Variants in GRIK3 observed in about 807,000 individuals in gnomAD.
GRIK3 encodes glutamate receptor ionotropic, kainate 3.
In GRIK3, 29 loss-of-function variants were observed where a neutral mutation model predicts 102.5. The ratio of observed to expected loss-of-function variants is 0.28; its 90% CI spans 0.21 to 0.39. GRIK3 has a LOEUF of 0.39. Ranked by LOEUF, GRIK3 falls within the 10% of genes least tolerant of loss-of-function variation. The probability of loss-of-function intolerance (pLI) is 1.00; values close to 1 mark genes in which losing one functional copy is unlikely to be tolerated. For missense variants in GRIK3, 908 were observed against 1,252.4 expected (o/e 0.73, Z 4.15); for synonymous variants, 511 against 504.9 (o/e 1.01, Z -0.16).
Position 36,836,936 on chromosome 1 carries a change from G to A in GRIK3, c.1530+4800C>T, listed in dbSNP as rs1640386772. Among the ~76,000 whole-genome samples the A allele has an allele frequency of 2.0e-5, 3 of 152,172 alleles. No individual in the cohort carries two copies. In the South Asian group the frequency reaches 6.2e-4, roughly 32 times the overall value. ...GAGGTCACGCTTGTGCCAACTCGTG[G>A]ATGCTCATTCCTCATTTCCCTTGAC... On this transcript the variant is annotated intron_variant, in intron 10 of 15. Coordinates refer to ENST00000373091, the MANE Select transcript of GRIK3 (RefSeq NM_000831.4).
At chr1:36,883,447 C>T (rs1641005370) in intron 2 of GRIK3, among the ~76,000 whole-genome samples, 1 of 152,202 alleles carries the variant, frequency 6.6e-6, no homozygotes, top group Non-Finnish European at 1.5e-5. Flanking sequence ...TGTCTACACC[C>T]ACTGCAAACA....
intron 1 of GRIK3, among the ~76,000 whole-genome samples, chr1:36,992,621 T>C (rs1642374636): frequency 6.6e-6 from 1 of 152,124 alleles, no homozygotes; most frequent in Non-Finnish European, 1.5e-5. Context: ...TGATGGTTGA[T>C]GGATGTAAAC....
At chr1:37,032,183 C>T (rs539515637) in intron 1 of GRIK3, among the ~76,000 whole-genome samples, 24 of 152,300 alleles carry the variant, frequency 1.6e-4, no homozygotes, top group African/African-American at 5.5e-4. Context: ...CTCCCTAACC[C>T]ATTCAATTTC....
chr1:37,009,127 T>C (rs1642562364), intron 1 of GRIK3, among the ~76,000 whole-genome samples: 2 of 152,136 alleles, frequency 1.3e-5, no homozygotes, highest in South Asian at 4.1e-4. Context: ...ACTGTTGTTG[T>C]GAGAATTAAC....
intron 10 of GRIK3, among the ~76,000 whole-genome samples, chr1:36,830,401 C>T (rs1411199740): frequency 6.6e-6 from 1 of 151,518 alleles, no homozygotes; most frequent in African/African-American, 2.4e-5. Context: ...CCCCTGGTAC[C>T]TATGAGTATG....
intron 1 of GRIK3, among the ~76,000 whole-genome samples, chr1:36,998,984 G>A (rs1476447779): frequency 8.2e-6 from 1 of 122,242 alleles, no homozygotes; most frequent in Admixed American, 7.6e-5. Context: ...TTGGAAGTGT[G>A]TGTGTGTGTG....
chr1:36,984,425 G>A (rs1223121150), intron 1 of GRIK3, among the ~76,000 whole-genome samples: 1 of 152,258 alleles, frequency 6.6e-6, no homozygotes, highest in East Asian at 1.9e-4. Context: ...GACGAAAGCT[G>A]TCACTCAGGG....
intron 10 of GRIK3, among the ~76,000 whole-genome samples, chr1:36,837,408 C>T (rs747708670): frequency 2.6e-5 from 4 of 152,288 alleles, no homozygotes; most frequent in Middle Eastern, 3.4e-3. Context: ...CGCAACTCCT[C>T]GCTTTCCCCT....
intron 13 of GRIK3, among the ~76,000 whole-genome samples, chr1:36,812,955 C>T (rs1642580109): frequency 6.6e-6 from 1 of 152,256 alleles, no homozygotes; most frequent in South Asian, 2.1e-4. Context: ...CACTCAATAA[C>T]AGTATCCACT....
In GRIK3 at chr1:36,853,702, A is replaced by G. The variant is rs1640611639; in HGVS notation, c.1125T>C (p.Thr375=). 1 of 1,612,710 alleles carries G rather than the reference A, an allele frequency of 6.2e-7. No homozygotes were observed. Among genetic ancestry groups the G allele is most frequent in the Non-Finnish European group, 8.5e-7 (1 of 1,178,642 alleles). Residue 375 remains threonine, a synonymous_variant, in exon 8 of 16, where the codon ACT becomes ACC. Transcript: ENST00000373091. ...FIKEAQWEGL[T]GRIVFNKTSG... is the part of the protein sequence containing the mutation. The stretch of plus-strand genomic sequence containing the variant: ...TAGTTTTGTTGAAAACAATTCGTCC[A>G]GTTAATCCTTCCCATTGAGCCTGCG...
At chr1:37,015,776 C>A (rs1006096743) in intron 1 of GRIK3, among the ~76,000 whole-genome samples, 1 of 152,178 alleles carries the variant, frequency 6.6e-6, no homozygotes, top group African/African-American at 2.4e-5. Flanking sequence ...GAGGGGAATG[C>A]GAAGGGGCTT....
chr1:36,898,523 G>A (rs897672899), intron 1 of GRIK3, among the ~76,000 whole-genome samples: 1 of 152,064 alleles, frequency 6.6e-6, no homozygotes, highest in Non-Finnish European at 1.5e-5. Context: ...ATTGTTGAAG[G>A]TAATTAAATA....
intron 13 of GRIK3, among the ~76,000 whole-genome samples, chr1:36,809,768 G>A (rs3820270): frequency 4.9e-4 from 75 of 152,312 alleles, no homozygotes; most frequent in African/African-American, 1.5e-3. Flanking sequence ...TCTGAGGAAA[G>A]ACACAAGAAA....
chr1:36,941,557 G>T (rs567263539), intron 1 of GRIK3, among the ~76,000 whole-genome samples: 13 of 152,182 alleles, frequency 8.5e-5, no homozygotes, highest in South Asian at 6.2e-4. Context: ...TGGGGTGGAG[G>T]GGGGGAGTGC....
At chr1:36,905,072 A>G (rs1641272233) in intron 1 of GRIK3, among the ~76,000 whole-genome samples, 1 of 152,132 alleles carries the variant, frequency 6.6e-6, no homozygotes, top group Non-Finnish European at 1.5e-5. Flanking sequence ...AATATAGAAA[A>G]ACATATAGCC....
At chr1:36,966,008 G>A (rs968971685) in intron 1 of GRIK3, among the ~76,000 whole-genome samples, 4 of 152,218 alleles carry the variant, frequency 2.6e-5, no homozygotes, top group African/African-American at 9.6e-5. Flanking sequence ...ATATTAGCCA[G>A]GGAAGCATGG....
In GRIK3 at chr1:36,829,580, T is replaced by A. The variant is rs60982117; in HGVS notation, c.1531-3754A>T. On this transcript the variant is annotated intron_variant, in intron 10 of 15. Coordinates refer to ENST00000373091, the MANE Select transcript of GRIK3 (RefSeq NM_000831.4). ...CCTCCTGCCTCACCAAGGACCTTTC[T>A]GTACTATTTCTAAACCTCTGGACCA... Among the ~76,000 whole-genome samples the A allele has an allele frequency of 3.0e-3, 461 of 152,234 alleles. 3 individuals carry two copies. The highest frequency in any genetic ancestry group is 0.011 in the African/African-American group (437 of 41,500).
At chr1:37,025,951 G>A (rs1642761187) in intron 1 of GRIK3, among the ~76,000 whole-genome samples, 1 of 152,146 alleles carries the variant, frequency 6.6e-6, no homozygotes, top group Non-Finnish European at 1.5e-5. Flanking sequence ...TGATCACCAT[G>A]GGGACTCTCT....
intron 1 of GRIK3, among the ~76,000 whole-genome samples, chr1:36,939,465 G>T (rs1641696852): frequency 6.6e-6 from 1 of 152,206 alleles, no homozygotes; most frequent in Admixed American, 6.5e-5. Flanking sequence ...GACTAGAACT[G>T]CATGCAGAAG....
Sources: allele counts gnomAD v4.1 joint callset (sites outside exome capture counted in the v4.1 genomes callset), GRCh38; gene constraint gnomAD v4.1.1; transcripts MANE v1.5; gene names NCBI Gene and HGNC (gene_info 2026-07-23, HGNC 2026-07-21).